The following ITGB3 variants were observed in gnomAD, a reference collection of about 807,000 sequenced individuals.
ITGB3 encodes the protein integrin subunit beta 3.
In ITGB3, 48 loss-of-function variants were observed where a neutral mutation model predicts 85.8. The observed-to-expected ratio is 0.56, with a 90% CI of 0.44 to 0.71. ITGB3 has a LOEUF of 0.71. ITGB3 is among the 30% of genes least tolerant of loss of function. The pLI is 0.00. For missense variants in ITGB3, 861 were observed against 1,019.1 expected, an observed-to-expected ratio of 0.84 and a Z score of 2.11; for synonymous variants, 363 against 395.6, an observed-to-expected ratio of 0.92 and a Z score of 0.98.
At chr17:47,307,135 C>A (rs879757310) in intron 13 of ITGB3, among the ~76,000 whole-genome samples, 2 of 152,022 alleles carry the variant, frequency 1.3e-5, no homozygotes, top group Non-Finnish European at 2.9e-5. Context: ...GTTTTTCGAT[C>A]CCCACCTCCT....
At position 47,279,311 on chromosome 17, in the gene ITGB3, C is replaced by G. The variant is rs137899127; in HGVS notation, c.166-4043C>G. Among the ~76,000 whole-genome samples the G allele has an allele frequency of 1.5e-3, 231 of 152,294 alleles. 2 individuals carry two copies. The highest frequency in any genetic ancestry group is 5.4e-3 in the African/African-American group (226 of 41,564). On this transcript the variant is annotated intron_variant, in intron 2 of 14. Coordinates refer to ENST00000559488, the MANE Select transcript of ITGB3 (RefSeq NM_000212.3). The stretch of plus-strand genomic sequence containing the variant: ...CTGAAACTTTAATATCCACCCCTCC[C>G]CCTTCTAGCTTTCTTCCTGCATAAC...
Position 47,299,667 on chromosome 17 carries a change from T to G in ITGB3, c.1913+137T>G. 1.2e-6 allele frequency: 1 copy of G among 858,588 alleles called. No homozygotes were observed. Among genetic ancestry groups the G allele is most frequent in the Admixed American group, 2.0e-5 (1 of 49,348 alleles). 53.2% of individuals were successfully genotyped at this position (858,588 alleles called of 1,614,324 possible). Reference sequence around the variant, plus strand: ...GGAGTCCACTCCAGCCAGATGGCTGTCTCTCCTTTTGCCAAAGGCTTTGGG... The same window carrying G: ...GGAGTCCACTCCAGCCAGATGGCTGGCTCTCCTTTTGCCAAAGGCTTTGGG... On this transcript the variant is annotated intron_variant, in intron 11 of 14. Transcript: ENST00000559488. The surrounding 1 kb of genome is among the most constrained non-coding windows in gnomAD (Gnocchi z 5.1).
chr17:47,288,215 A>T (rs1167990782), intron 6 of ITGB3, among the ~76,000 whole-genome samples: 1 of 130,506 alleles, frequency 7.7e-6, no homozygotes, highest in Non-Finnish European at 1.7e-5. Flanking sequence ...AAAGAGAGAG[A>T]GAGAGAGAGA....
intron 2 of ITGB3, among the ~76,000 whole-genome samples, chr17:47,283,147 T>A (rs1285999553): frequency 2.0e-5 from 3 of 151,976 alleles, no homozygotes; most frequent in African/African-American, 7.3e-5. Context: ...CCTCAAGCAG[T>A]CCTCATGCCT....
chr17:47,288,393 A>G (rs1229027395), intron 6 of ITGB3, among the ~76,000 whole-genome samples: 1 of 152,232 alleles, frequency 6.6e-6, no homozygotes, highest in Non-Finnish European at 1.5e-5. Context: ...ATGGCCATAG[A>G]AGGTTAAACA....
intron 14 of ITGB3, among the ~76,000 whole-genome samples, chr17:47,308,654 ACT>A (rs895329506): frequency 6.6e-6 from 1 of 152,010 alleles, no homozygotes; most frequent in African/African-American, 2.4e-5. Flanking sequence ...GGCGCCAGCC[ACT>A]GTGCCCAGCT....
intron 3 of ITGB3, 46 bp downstream of exon 3, chr17:47,283,595 A>T: frequency 6.3e-7 from 1 of 1,581,496 alleles, no homozygotes; most frequent in Non-Finnish European, 8.7e-7. Flanking sequence ...GCAGGTGGGC[A>T]TAGAGCACAA....
intron 13 of ITGB3, 92 bp downstream of exon 13, chr17:47,302,932 C>T (rs2065172917): frequency 6.8e-7 from 1 of 1,470,022 alleles, no homozygotes; most frequent in South Asian, 1.2e-5. Flanking sequence ...AGCTGTTAAG[C>T]AAAACAGGTT....
At chr17:47,292,054 G>A in intron 9 of ITGB3, 85 bp from the exon 10 acceptor site, 1 of 1,409,598 alleles carries the variant, frequency 7.1e-7, no homozygotes, top group Non-Finnish European at 1.0e-6. Flanking sequence ...CCTTGGCAGG[G>A]CAGGGAACAA....
chr17:47,303,969 G>A (rs2065177109), intron 13 of ITGB3, among the ~76,000 whole-genome samples: 2 of 151,908 alleles, frequency 1.3e-5, no homozygotes, highest in South Asian at 4.2e-4. Context: ...TTGGCTCACT[G>A]CAGTCTCAAC....
chr17:47,288,622 C>G (rs1425549959), intron 6 of ITGB3, among the ~76,000 whole-genome samples: 1 of 152,104 alleles, frequency 6.6e-6, no homozygotes, highest in Non-Finnish European at 1.5e-5. Context: ...ATCCCATGGA[C>G]ATGTTCACGA....
intron 2 of ITGB3, among the ~76,000 whole-genome samples, chr17:47,282,919 GAC>G (rs1307547784): frequency 6.6e-6 from 1 of 152,110 alleles, no homozygotes; most frequent in African/African-American, 2.4e-5. Flanking sequence ...AATGATGGTT[GAC>G]ACCTGCTAAA....
chr17:47,290,742 C>T (rs531100028), intron 8 of ITGB3, among the ~76,000 whole-genome samples: 7 of 152,206 alleles, frequency 4.6e-5, no homozygotes, highest in African/African-American at 1.7e-4. Flanking sequence ...CACCTAGACG[C>T]AAGTGGAGAT....
chr17:47,282,544 G>T (rs1254158702), intron 2 of ITGB3, among the ~76,000 whole-genome samples: 2 of 152,162 alleles, frequency 1.3e-5, no homozygotes, highest in Non-Finnish European at 2.9e-5. Flanking sequence ...GTAAGCAGTT[G>T]TAAGTGCAAT....
intron 1 of ITGB3, among the ~76,000 whole-genome samples, chr17:47,269,511 T>C (rs1030331405): frequency 1.3e-5 from 2 of 152,226 alleles, no homozygotes; most frequent in Admixed American, 6.5e-5. Context: ...TGCTAAAGCA[T>C]AGGAAGCATG....
At chr17:47,281,551 C>T (rs2065083825) in intron 2 of ITGB3, among the ~76,000 whole-genome samples, 1 of 152,114 alleles carries the variant, frequency 6.6e-6, no homozygotes, top group African/African-American at 2.4e-5. Flanking sequence ...AGTGTTCTTT[C>T]CAGGGTGGCG....
At position 47,292,647 on chromosome 17, in the gene ITGB3, G is replaced by T. The variant is rs1270151216; in HGVS notation, c.1690+79G>T. 6.2e-6 allele frequency: 9 copies of T among 1,459,526 alleles called. No homozygotes were observed. The African/African-American group carries it at 1.2e-4, about 20-fold the overall frequency. The allele number at this position is 1,459,526 out of a possible 1,614,324, so 90.4% of individuals were successfully genotyped here. A position where few individuals can be genotyped will look rare whatever the true frequency, so the allele number is the denominator to read the frequency against. On this transcript the variant is annotated intron_variant, in intron 10 of 14. Coordinates refer to ENST00000559488, the MANE Select transcript of ITGB3 (RefSeq NM_000212.3). ...TGCAACCACTGGAAACATAGGTGAA[G>T]GCCTGAGATGGGTCTTTGCAGGCAG...
At position 47,284,425 on chromosome 17, in the gene ITGB3, C is replaced by T. The variant is rs780819110; in HGVS notation, c.362-18C>T. The T allele has an allele frequency of 1.2e-6, 2 of 1,614,116 alleles. No homozygotes were observed. Among genetic ancestry groups the T allele is most frequent in the Admixed American group, 1.7e-5 (1 of 60,016 alleles). On this transcript the variant is annotated intron_variant, in intron 3 of 14. Transcript: ENST00000559488. ...GGTGGGAGAAGAAGATAAAAACTAA[C>T]ATCTTTCTGCCTTCCAGATGATTCG...
intron 13 of ITGB3, among the ~76,000 whole-genome samples, chr17:47,306,654 C>A (rs1368653031): frequency 6.6e-6 from 1 of 151,940 alleles, no homozygotes; most frequent in Non-Finnish European, 1.5e-5. Flanking sequence ...CCAATAAAGT[C>A]AATTTTTTAT....
Sources: gnomAD v4.1 joint callset for allele counts (sites outside exome capture counted in the v4.1 genomes callset) on GRCh38, gnomAD v4.1.1 for gene constraint, Gnocchi (gnomAD v3.1) non-coding constraint, MANE v1.5 for transcripts, NCBI Gene and HGNC (gene_info 2026-07-23, HGNC 2026-07-21) for gene names.